The following RGS7 variants were observed in gnomAD, a reference collection of about 807,000 sequenced individuals.
The protein encoded by RGS7 is regulator of G protein signaling 7, also known as regulator of G-protein signaling 7.
Under a neutral mutation model 81.1 loss-of-function variants are expected in RGS7, and 27 were observed. The ratio of observed to expected loss-of-function variants is 0.33; its 90% CI spans 0.25 to 0.46. The LOEUF is 0.46. RGS7 is among the 20% of genes least tolerant of loss of function. The pLI, the probability that RGS7 is intolerant of heterozygous loss-of-function variation, is 1.00. For missense variants in RGS7, 396 were observed against 607.4 expected (o/e 0.65, Z 3.66); for synonymous variants, 208 against 207.7 (o/e 1.00, Z -0.01).
intron 3 of RGS7, among the ~76,000 whole-genome samples, chr1:241,033,327 G>A (rs933837364): frequency 6.6e-6 from 1 of 152,128 alleles, no homozygotes; most frequent in Non-Finnish European, 1.5e-5. Context: ...CTCCAGCCTG[G>A]GTGACAGAGC....
intron 2 of RGS7, among the ~76,000 whole-genome samples, chr1:241,325,564 C>T (rs2081443081): frequency 6.6e-6 from 1 of 152,220 alleles, no homozygotes; most frequent in Non-Finnish European, 1.5e-5. Context: ...TCAAATAAAT[C>T]TCTACTGACT....
At chr1:240,981,075 T>C (rs901852703) in intron 4 of RGS7, among the ~76,000 whole-genome samples, 4 of 152,084 alleles carry the variant, frequency 2.6e-5, no homozygotes, top group African/African-American at 9.7e-5. Context: ...GTTTCTTAGA[T>C]TTTTACTGAA....
chr1:241,098,879 T>C (rs1414299106), intron 2 of RGS7, 117 bp from the exon 3 acceptor site: 14 of 731,350 alleles, frequency 1.9e-5, no homozygotes, highest in Non-Finnish European at 3.1e-5. Flanking sequence ...TGCCGTATTC[T>C]TGCCTTTCTA....
chr1:241,206,995 G>C (rs1280001581), intron 2 of RGS7, among the ~76,000 whole-genome samples: 3 of 103,110 alleles, frequency 2.9e-5, no homozygotes, highest in Admixed American at 1.5e-4. Context: ...TTGAGATGGA[G>C]TCTCGCTCTG....
At chr1:241,149,149 C>G (rs1320953058) in intron 2 of RGS7, among the ~76,000 whole-genome samples, 1 of 152,102 alleles carries the variant, frequency 6.6e-6, no homozygotes, top group African/African-American at 2.4e-5. Context: ...ATGAACTCTA[C>G]AAGTAGAAAA....
chr1:240,871,320 C>T (rs1016556379), intron 6 of RGS7, among the ~76,000 whole-genome samples: 1 of 152,178 alleles, frequency 6.6e-6, no homozygotes, highest in African/African-American at 2.4e-5. Context: ...CTTTGCACTA[C>T]ACTTACCACC....
chr1:240,950,496 T>C (rs1679380282), intron 4 of RGS7, among the ~76,000 whole-genome samples: 1 of 152,040 alleles, frequency 6.6e-6, no homozygotes, highest in South Asian at 2.1e-4. Flanking sequence ...TTCTACAAAA[T>C]AGTTTGGGAA....
intron 2 of RGS7, among the ~76,000 whole-genome samples, chr1:241,317,371 A>C (rs1424554953): frequency 1.3e-5 from 2 of 152,240 alleles, no homozygotes; most frequent in African/African-American, 4.8e-5. Context: ...CTCCTGTGAA[A>C]TACTACAAGC....
At chr1:240,920,039 A>G in intron 6 of RGS7, 1 of 1,119,110 alleles carries the variant, frequency 8.9e-7, no homozygotes, top group Non-Finnish European at 1.3e-6. Flanking sequence ...AGTTTGGAAA[A>G]ATTGAAGGGA....
At chr1:241,332,501 CT>C (rs1202145151) in intron 2 of RGS7, among the ~76,000 whole-genome samples, 18 of 152,126 alleles carry the variant, frequency 1.2e-4, no homozygotes, top group African/African-American at 4.3e-4. Flanking sequence ...ATGTGGACTC[CT>C]TCCCACTAAA....
intron 16 of RGS7, among the ~76,000 whole-genome samples, chr1:240,802,644 T>G (rs1050336925): frequency 6.6e-6 from 1 of 152,146 alleles, no homozygotes; most frequent in Non-Finnish European, 1.5e-5. Flanking sequence ...AAGACTAACA[T>G]GAAACATGAA....
chr1:241,166,057 G>T (rs1291300062), intron 2 of RGS7, among the ~76,000 whole-genome samples: 2 of 152,194 alleles, frequency 1.3e-5, no homozygotes, highest in African/African-American at 4.8e-5. Flanking sequence ...GCAAGCTCAT[G>T]TCTGAGAAGC....
At chr1:240,898,911 G>A (rs1669527200) in intron 6 of RGS7, among the ~76,000 whole-genome samples, 2 of 152,098 alleles carry the variant, frequency 1.3e-5, no homozygotes, top group Non-Finnish European at 2.9e-5. Flanking sequence ...TTACTGTGTG[G>A]GAGTCTAAGT....
intron 2 of RGS7, among the ~76,000 whole-genome samples, chr1:241,328,153 TA>T (rs1238749156): frequency 1.3e-5 from 2 of 151,988 alleles, no homozygotes; most frequent in East Asian, 3.8e-4. Flanking sequence ...AAGGACTGTT[TA>T]AAAAAAAGGT....
intron 4 of RGS7, among the ~76,000 whole-genome samples, chr1:240,962,011 G>A (rs984323093): frequency 2.0e-5 from 3 of 152,042 alleles, no homozygotes; most frequent in African/African-American, 4.8e-5. Context: ...TCCTAAGTGC[G>A]ACCTTATTGC....
chr1:240,800,965 G>A (rs928506590), intron 17 of RGS7, among the ~76,000 whole-genome samples: 2 of 152,030 alleles, frequency 1.3e-5, no homozygotes, highest in Non-Finnish European at 2.9e-5. Flanking sequence ...GGTCTCTGGT[G>A]GGGCATATCT....
chr1:240,987,525 T>C (rs1685843028), intron 3 of RGS7, among the ~76,000 whole-genome samples: 1 of 151,736 alleles, frequency 6.6e-6, no homozygotes, highest in African/African-American at 2.4e-5. Context: ...TTATAACTAT[T>C]CTTCTTTTTT....
chr1:240,952,740 G>T (rs187005941), intron 4 of RGS7, among the ~76,000 whole-genome samples: 30 of 151,862 alleles, frequency 2.0e-4, no homozygotes, highest in African/African-American at 7.0e-4. Context: ...CAACTAAAAA[G>T]CAGAGATTAT....
intron 2 of RGS7, among the ~76,000 whole-genome samples, chr1:241,332,752 C>T (rs149903954): frequency 6.6e-6 from 1 of 152,308 alleles, no homozygotes; most frequent in African/African-American, 2.4e-5. Context: ...GCAGCTTCAC[C>T]TTCTTTGGCG....
Sources: gnomAD v4.1 joint callset for allele counts (sites outside exome capture counted in the v4.1 genomes callset) on GRCh38, gnomAD v4.1.1 for gene constraint, MANE v1.5 for transcripts, NCBI Gene and HGNC (gene_info 2026-07-23, HGNC 2026-07-21) for gene names.